The following KAZN variants were observed in gnomAD, a reference collection of about 807,000 sequenced individuals.
KAZN encodes the protein kazrin, periplakin interacting protein, also known as kazrin.
A neutral mutation model predicts 87.4 loss-of-function variants in KAZN; 40 were observed. The ratio of observed to expected loss-of-function variants is 0.46; its 90% confidence interval spans 0.36 to 0.60. The LOEUF is 0.60. Among genes scored for constraint, KAZN ranks in the 20% least tolerant of loss-of-function variants. KAZN has a pLI of 0.00. For missense variants in KAZN, 898 were observed against 1,073.9 expected, an observed-to-expected ratio of 0.84 and a Z score of 2.29; for synonymous variants, 466 against 458.3, an observed-to-expected ratio of 1.02 and a Z score of -0.22.
At chr1:15,065,030 T>TC (rs201636549) in intron 7 of KAZN, among the ~76,000 whole-genome samples, 29 of 137,790 alleles carry the variant, frequency 2.1e-4, no homozygotes, top group East Asian at 6.2e-4. Flanking sequence ...TTTCTTTCTT[T>TC]TTTTTTTTTT....
intron 2 of KAZN, among the ~76,000 whole-genome samples, chr1:14,555,968 A>C (rs1237037325): frequency 1.3e-5 from 2 of 152,216 alleles, no homozygotes; most frequent in Non-Finnish European, 2.9e-5. Context: ...AAACAATTAC[A>C]TCAGAGAGCA....
At chr1:14,905,189 G>C (rs146245282) in intron 1 of KAZN, among the ~76,000 whole-genome samples, 1,708 of 152,248 alleles carry the variant, frequency 0.011, 35 homozygotes, top group African/African-American at 0.039. Flanking sequence ...CTCCTGAGTA[G>C]CTGGGACTAC....
chr1:15,097,354 A>G (rs1269093279), intron 10 of KAZN, among the ~76,000 whole-genome samples: 1 of 152,014 alleles, frequency 6.6e-6, no homozygotes, highest in Non-Finnish European at 1.5e-5. Context: ...CAGCCATGAC[A>G]TCTTGTGTGA....
At chr1:14,726,578 A>G (rs537592694) in intron 1 of KAZN, among the ~76,000 whole-genome samples, 5 of 152,304 alleles carry the variant, frequency 3.3e-5, no homozygotes, top group Admixed American at 3.3e-4. Flanking sequence ...AGACCTTTCA[A>G]AGCTGCAAGC....
chr1:13,906,149 A>G (rs1356434442), intron 1 of KAZN, among the ~76,000 whole-genome samples: 1 of 152,222 alleles, frequency 6.6e-6, no homozygotes, highest in Non-Finnish European at 1.5e-5. Flanking sequence ...CAAATAACAT[A>G]ACATTTACAA....
At chr1:14,365,817 C>T (rs1179283001) in intron 2 of KAZN, among the ~76,000 whole-genome samples, 3 of 152,174 alleles carry the variant, frequency 2.0e-5, no homozygotes, top group Admixed American at 6.5e-5. Context: ...AAAAGACTTC[C>T]TCCAGTGGGA....
At chr1:14,817,243 A>C (rs931776492) in intron 1 of KAZN, among the ~76,000 whole-genome samples, 16 of 152,196 alleles carry the variant, frequency 1.1e-4, no homozygotes, top group Admixed American at 9.2e-4. Flanking sequence ...CCCCCTGCCA[A>C]ATATGAGCTC....
At position 14,789,760 on chromosome 1, in the gene KAZN, C is replaced by CAAAAAAAAAAAAAAAAA. The variant is rs3032757; in HGVS notation, c.227-170903_227-170887dup. On this transcript the variant is annotated intron_variant, in intron 1 of 14. Coordinates refer to ENST00000376030, the MANE Select transcript of KAZN (RefSeq NM_201628.3). Reference sequence around the variant, plus strand: ...GCAAGGACTCTAAGCTCCTCATTACCAAAAAAAAAAAAAAAAAAAAAAAAA... The same window carrying CAAAAAAAAAAAAAAAAA: ...GCAAGGACTCTAAGCTCCTCATTACCAAAAAAAAAAAAAAAAAAAAAAAAAAAAAAAAAAAAAAAAAA... Among the ~76,000 whole-genome samples the CAAAAAAAAAAAAAAAAA allele has an allele frequency of 1.5e-4, 7 of 46,252 alleles. 1 individual carries two copies. Among genetic ancestry groups the CAAAAAAAAAAAAAAAAA allele is most frequent in the African/African-American group, 5.8e-4 (7 of 12,020 alleles). 30.3% of individuals were successfully genotyped at this position (46,252 alleles called of 152,430 possible). A position where few individuals can be genotyped will look rare whatever the true frequency, so the allele number is the denominator to read the frequency against.
intron 1 of KAZN, among the ~76,000 whole-genome samples, chr1:14,948,720 T>G (rs1281369535): frequency 1.3e-5 from 2 of 152,090 alleles, no homozygotes; most frequent in South Asian, 2.1e-4. Context: ...GAGAAAGCAG[T>G]AGCATGGAGG....
intron 1 of KAZN, among the ~76,000 whole-genome samples, chr1:14,117,433 G>T (rs139077322): frequency 1.4e-4 from 22 of 152,102 alleles, no homozygotes; most frequent in African/African-American, 5.3e-4. Flanking sequence ...TTCACCTTCC[G>T]CCATGATTGT....
intron 1 of KAZN, among the ~76,000 whole-genome samples, chr1:14,871,757 A>G (rs971683245): frequency 4.6e-5 from 7 of 151,974 alleles, no homozygotes; most frequent in Non-Finnish European, 1.0e-4. Context: ...GCCTGAAGGC[A>G]TAGTATCCTG....
intron 1 of KAZN, among the ~76,000 whole-genome samples, chr1:14,077,313 T>A (rs1643501191): frequency 6.6e-6 from 1 of 152,152 alleles, no homozygotes; most frequent in Non-Finnish European, 1.5e-5. Flanking sequence ...CTGCAAAAAA[T>A]GTCTGTAAAG....
intron 1 of KAZN, among the ~76,000 whole-genome samples, chr1:14,944,947 G>T (rs1056845574): frequency 1.3e-5 from 2 of 152,162 alleles, no homozygotes; most frequent in African/African-American, 2.4e-5. Context: ...AGTTACATTC[G>T]TTGGGTTTTG....
intron 2 of KAZN, among the ~76,000 whole-genome samples, chr1:14,292,133 G>A (rs1653751000): frequency 6.6e-6 from 1 of 152,180 alleles, no homozygotes; most frequent in Non-Finnish European, 1.5e-5. Flanking sequence ...TATGTTGTAT[G>A]TATGCTCTGT....
At chr1:14,734,310 T>C (rs1475320610) in intron 1 of KAZN, among the ~76,000 whole-genome samples, 1 of 290 alleles carries the variant, frequency 3.4e-3, no homozygotes, top group Non-Finnish European at 6.3e-3. Flanking sequence ...TTTCTTTTCT[T>C]TTTTTTTTTT....
chr1:15,112,489 C>G lies in KAZN; in HGVS notation c.2111C>G (p.Thr704Arg). The G allele has an allele frequency of 1.2e-6, 2 of 1,605,130 alleles. No homozygotes were observed. Among genetic ancestry groups the G allele is most frequent in the Non-Finnish European group, 1.7e-6 (2 of 1,176,902 alleles). The change falls in exon 14 of 15, where the codon ACG becomes AGG. Residue 704 changes from threonine (T) to arginine (R), a missense_variant. By Grantham distance (71) the Thr-to-Arg change is moderately conservative. Transcript: ENST00000376030. ...GTPPGRASSV[T>R]RAGKEENSSG... is the part of the protein sequence containing the mutation. ...CCCCCTGGCAGGGCCTCCAGCGTCA[C>G]GCGGGCAGGAAAGGAGGAGAACAGC...
At chr1:14,795,124 T>G (rs1645791673) in intron 1 of KAZN, among the ~76,000 whole-genome samples, 1 of 152,118 alleles carries the variant, frequency 6.6e-6, no homozygotes, top group Non-Finnish European at 1.5e-5. Flanking sequence ...GCTTTCTTGC[T>G]CCTCCCTCTT....
chr1:14,496,683 G>T (rs1430744256), intron 2 of KAZN, among the ~76,000 whole-genome samples: 1 of 151,760 alleles, frequency 6.6e-6, no homozygotes, highest in African/African-American at 2.4e-5. Flanking sequence ...AAGCAGCTCG[G>T]CAGCGACTCT....
rs116362281 is a variant in KAZN at position 14,774,385 on chromosome 1, G to A, written c.226+175162G>A. ...CATACAGAAACTCAGCAAACAAATG[G>A]TTCTCCGCTTATCTCCTCCCTTTCC... On this transcript the variant is annotated intron_variant, in intron 1 of 14. Coordinates refer to ENST00000376030, the MANE Select transcript of KAZN (RefSeq NM_201628.3). 7.4e-3 allele frequency among the ~76,000 whole-genome samples: 1,125 copies of A among 151,856 alleles called. 7 individuals carry two copies. The highest frequency in any genetic ancestry group is 0.026 in the African/African-American group (1,068 of 41,374).
Sources: gnomAD v4.1 joint callset for allele counts (sites outside exome capture counted in the v4.1 genomes callset) on GRCh38, gnomAD v4.1.1 for gene constraint, MANE v1.5 for transcripts, NCBI Gene and HGNC (gene_info 2026-07-23, HGNC 2026-07-21) for gene names.